The following WNK3 variants were observed in gnomAD, a reference collection of about 807,000 sequenced individuals.
WNK3 encodes WNK lysine deficient protein kinase 3.
A neutral mutation model predicts 116.7 loss-of-function variants in WNK3; 18 were observed. The observed-to-expected ratio is 0.15, with a 90% CI of 0.11 to 0.23. WNK3 has a LOEUF of 0.23. Ranked by LOEUF, WNK3 falls within the 10% of genes least tolerant of loss-of-function variation. The pLI is 1.00. For synonymous variants in WNK3, 404 were observed against 469.4 expected, an observed-to-expected ratio of 0.86 and a Z score of 1.80; for missense variants, 993 against 1,323.8, an observed-to-expected ratio of 0.75 and a Z score of 3.88.
chrX:54,295,464 A>G (rs782528345), intron 7 of WNK3, among the ~76,000 whole-genome samples: 2 of 111,611 alleles, frequency 1.8e-5, no homozygotes, highest in African/African-American at 3.2e-5. Context: ...TGAAGGATTA[A>G]AAAGGTTTCC....
chrX:54,229,005 A>G (rs1557148400), intron 21 of WNK3, among the ~76,000 whole-genome samples: 1 of 111,406 alleles, frequency 9.0e-6, no homozygotes, highest in African/African-American at 3.3e-5. Context: ...AGAAACAAAA[A>G]AGTCTATATT....
intron 22 of WNK3, among the ~76,000 whole-genome samples, chrX:54,214,131 C>T (rs1478448044): frequency 9.0e-6 from 1 of 110,733 alleles, no homozygotes; most frequent in South Asian, 3.9e-4. Context: ...CGCGTGCCAC[C>T]GCTACCACAC....
chrX:54,260,618 T>C (rs2068245239), intron 10 of WNK3, among the ~76,000 whole-genome samples: 1 of 112,324 alleles, frequency 8.9e-6, no homozygotes, highest in African/African-American at 3.2e-5. Flanking sequence ...TTAAGCTCTG[T>C]CATAATATTT....
exon 24 of WNK3, chrX:54,198,019 A>G (rs2067462221): frequency 5.4e-6 from 1 of 184,197 alleles, no homozygotes; most frequent in Non-Finnish European, 9.9e-6. Flanking sequence ...TGTCCTGGAA[A>G]TGGTAATGCT....
At chrX:54,261,780 T>C (rs183314088) in intron 10 of WNK3, among the ~76,000 whole-genome samples, 2 of 112,246 alleles carry the variant, frequency 1.8e-5, no homozygotes, top group African/African-American at 3.2e-5. Flanking sequence ...TATTTAATGG[T>C]GCAAGTAAGG....
intron 1 of WNK3, among the ~76,000 whole-genome samples, chrX:54,344,287 C>G (rs1456869964): frequency 9.1e-6 from 1 of 109,868 alleles, no homozygotes; most frequent in Non-Finnish European, 1.9e-5. Context: ...ACTAAAAATA[C>G]AAAAAATTAG....
At chrX:54,255,309 G>A (rs1557155256) in intron 12 of WNK3, among the ~76,000 whole-genome samples, 1 of 111,510 alleles carries the variant, frequency 9.0e-6, no homozygotes, top group African/African-American at 3.3e-5. Context: ...ATCTTCATTT[G>A]TAAAGATGAG....
In WNK3 at chrX:54,307,921, C is replaced by A; in HGVS notation, c.1089+1G>T. ...AGTAAAAAGAAAAAAGTTATACCTA[C>A]ACTAGTTACTTTCCGGTATATTTGA... On this transcript the variant is annotated splice_donor_variant, in intron 5 of 23. Transcript: ENST00000354646. LOFTEE classifies it high-confidence loss of function. 8.5e-7 allele frequency: 1 copy of A among 1,182,349 alleles called. No individual in the cohort carries two copies. Among genetic ancestry groups the A allele is most frequent in the Non-Finnish European group, 1.1e-6 (1 of 881,114 alleles).
chrX:54,271,894 A>C (rs1201649653), intron 10 of WNK3, among the ~76,000 whole-genome samples: 1 of 111,844 alleles, frequency 8.9e-6, no homozygotes. Context: ...TACAAAAGGG[A>C]GAGGGCTGAA....
chrX:54,325,883 TGA>T (rs2069097481), intron 2 of WNK3, among the ~76,000 whole-genome samples: 1 of 109,757 alleles, frequency 9.1e-6, no homozygotes, highest in Non-Finnish European at 1.9e-5. Context: ...TGATTCTTTC[TGA>T]GAGTTGCTAA....
Position 54,238,333 on chromosome X carries a change from G to T in WNK3, c.4014+9C>A, listed in dbSNP as rs782742526. 3.3e-6 allele frequency: 4 copies of T among 1,200,417 alleles called. No individual in the cohort carries two copies. The South Asian group carries it at 7.4e-5, about 22-fold the overall frequency. On this transcript the variant is annotated intron_variant, in intron 19 of 23. Transcript: ENST00000354646. ...CCTTGTAGATAAGGATTCAATCAAAGACACAAACCTGGAACCGACCCCGCT... is the reference window on the plus strand; with the variant it reads ...CCTTGTAGATAAGGATTCAATCAAATACACAAACCTGGAACCGACCCCGCT...
intron 8 of WNK3, 123 bp downstream of exon 8, chrX:54,294,430 T>C (rs2068673791): frequency 2.0e-6 from 1 of 490,162 alleles, no homozygotes; most frequent in Non-Finnish European, 3.1e-6. Context: ...TATTTAAAGA[T>C]AAGCAAACAT....
chrX:54,259,813 T>A (rs181342132), intron 10 of WNK3, among the ~76,000 whole-genome samples: 1 of 111,715 alleles, frequency 9.0e-6, no homozygotes, highest in African/African-American at 3.2e-5. Context: ...AGCTGCAACA[T>A]TGGCTTCCAG....
chrX:54,315,658 T>C (rs926852602), intron 2 of WNK3, among the ~76,000 whole-genome samples: 39 of 112,045 alleles, frequency 3.5e-4, no homozygotes, highest in Admixed American at 3.4e-3. Context: ...TCTTTTTTCT[T>C]GGTTAGTCTA....
chrX:54,236,912 T>G (rs1247275733), intron 20 of WNK3, 26 bp downstream of exon 20: 7 of 1,162,648 alleles, frequency 6.0e-6, no homozygotes, highest in Non-Finnish European at 6.9e-6. Flanking sequence ...CAACCAGATT[T>G]GTGACAAAAG....
intron 2 of WNK3, among the ~76,000 whole-genome samples, chrX:54,322,814 T>C (rs782728289): frequency 1.8e-5 from 2 of 111,766 alleles, no homozygotes; most frequent in Non-Finnish European, 3.8e-5. Context: ...TTAATTTTGA[T>C]AATGGAAAAT....
chrX:54,215,048 C>T (rs1301986408), intron 22 of WNK3, among the ~76,000 whole-genome samples: 33 of 91,937 alleles, frequency 3.6e-4, no homozygotes, highest in African/African-American at 1.3e-3. Context: ...ACCCGGGAGG[C>T]GGAGCTTGCA....
chrX:54,213,846 C>T (rs1351496588), intron 22 of WNK3, among the ~76,000 whole-genome samples: 3 of 110,712 alleles, frequency 2.7e-5, no homozygotes, highest in African/African-American at 9.9e-5. Context: ...TCTGTAAACA[C>T]AAAAATTCAA....
chrX:54,278,698 A>C (rs1031354258), intron 10 of WNK3, among the ~76,000 whole-genome samples: 52 of 110,340 alleles, frequency 4.7e-4, no homozygotes, highest in African/African-American at 6.9e-4. Flanking sequence ...CTCCCTCCCC[A>C]AAAAAAAACC....
Sources: allele counts gnomAD v4.1 joint callset (sites outside exome capture counted in the v4.1 genomes callset), GRCh38; gene constraint gnomAD v4.1.1; transcripts MANE v1.5; gene names NCBI Gene and HGNC (gene_info 2026-07-23, HGNC 2026-07-21).